NTRK2: variants seen among roughly 807,000 people sequenced by gnomAD.
NTRK2 encodes BDNF/NT-3 growth factors receptor.
Under a neutral mutation model 94.5 loss-of-function variants are expected in NTRK2, and 13 were observed. That is an observed-to-expected ratio of 0.14 (90% confidence interval 0.09 to 0.22). NTRK2 has a LOEUF of 0.22. Among genes scored for constraint, NTRK2 ranks in the 10% least tolerant of loss-of-function variants. NTRK2 has a pLI of 1.00. For synonymous variants in NTRK2, 372 were observed against 407.4 expected (o/e 0.91, Z 1.05); for missense variants, 639 against 1,071.2 (o/e 0.60, Z 5.63).
chr9:84,770,459 C>G (rs1324977500), intron 12 of NTRK2, among the ~76,000 whole-genome samples: 1 of 152,164 alleles, frequency 6.6e-6, no homozygotes, highest in African/African-American at 2.4e-5. Context: ...CCTCCCTGTT[C>G]CCCTCTCCTG....
chr9:84,906,016 A>C (rs2077065479), intron 14 of NTRK2, among the ~76,000 whole-genome samples: 1 of 152,226 alleles, frequency 6.6e-6, no homozygotes, highest in African/African-American at 2.4e-5. Flanking sequence ...TTCGATTTCC[A>C]ATACTTTGCA....
chr9:84,897,854 GA>G (rs1317029205), intron 14 of NTRK2, among the ~76,000 whole-genome samples: 1 of 152,104 alleles, frequency 6.6e-6, no homozygotes, highest in Non-Finnish European at 1.5e-5. Context: ...AATATCAACT[GA>G]AAAGGCCTGT....
Position 85,021,509 on chromosome 9 carries a change from T to C in NTRK2, c.*72T>C. ...GCTGAGAGGATGAACATCTTTTAACTGCCGCTGGAGGCCACCAAGCTGCTC... is the reference window on the plus strand; with the variant it reads ...GCTGAGAGGATGAACATCTTTTAACCGCCGCTGGAGGCCACCAAGCTGCTC... On this transcript the variant is annotated 3_prime_UTR_variant, in exon 19 of 19. Transcript: ENST00000277120. 6.6e-7 allele frequency: 1 copy of C among 1,503,790 alleles called. No homozygotes were observed. The highest frequency in any genetic ancestry group is 9.3e-7 in the Non-Finnish European group (1 of 1,081,008). 93.2% of individuals were successfully genotyped at this position (1,503,790 alleles called of 1,614,324 possible). A position where few individuals can be genotyped will look rare whatever the true frequency, so the allele number is the denominator to read the frequency against.
intron 8 of NTRK2, among the ~76,000 whole-genome samples, chr9:84,726,465 T>G (rs1053804157): frequency 6.6e-6 from 1 of 152,152 alleles, no homozygotes; most frequent in African/African-American, 2.4e-5. Context: ...CCAGCCTGGG[T>G]GGCAGAGTGA....
chr9:84,843,564 A>G (rs1457696678), intron 12 of NTRK2, among the ~76,000 whole-genome samples: 1 of 152,122 alleles, frequency 6.6e-6, no homozygotes. Flanking sequence ...TTTTGAGGGC[A>G]GTGTTAGAAC....
intron 12 of NTRK2, among the ~76,000 whole-genome samples, chr9:84,791,253 C>T (rs1443440): frequency 0.75 from 114,279 of 152,108 alleles, 43,079 homozygotes; most frequent in East Asian, 0.84. Flanking sequence ...CCTCTCATTA[C>T]TTGAGGACTT....
chr9:85,016,676 G>T (rs368674475), intron 17 of NTRK2, among the ~76,000 whole-genome samples: 2 of 152,210 alleles, frequency 1.3e-5, no homozygotes, highest in South Asian at 4.2e-4. Context: ...TGGGGGGAGG[G>T]TCTACTTTTG....
At chr9:84,999,027 C>T (rs549524881) in intron 17 of NTRK2, among the ~76,000 whole-genome samples, 24 of 152,172 alleles carry the variant, frequency 1.6e-4, no homozygotes, top group Non-Finnish European at 3.1e-4. Context: ...GTTCTTGGTG[C>T]ATCTTCTGCA....
intron 14 of NTRK2, among the ~76,000 whole-genome samples, chr9:84,879,413 T>A (rs2076189460): frequency 6.6e-6 from 1 of 152,246 alleles, no homozygotes; most frequent in African/African-American, 2.4e-5. Context: ...TTTAAAATAT[T>A]CCATTTTCAC....
chr9:84,962,243 C>T (rs1305572316), intron 17 of NTRK2, among the ~76,000 whole-genome samples: 3 of 152,228 alleles, frequency 2.0e-5, no homozygotes, highest in Non-Finnish European at 1.5e-5. Context: ...CAGGGTCTCT[C>T]ACCCATCAGC....
At chr9:84,888,070 A>AT (rs935844743) in intron 14 of NTRK2, among the ~76,000 whole-genome samples, 5 of 152,002 alleles carry the variant, frequency 3.3e-5, no homozygotes, top group Non-Finnish European at 5.9e-5. Context: ...CCAGCCTCGT[A>AT]TTTTTTTTCC....
chr9:84,956,257 T>C (rs2132990183), intron 17 of NTRK2, among the ~76,000 whole-genome samples: 1 of 152,326 alleles, frequency 6.6e-6, no homozygotes, highest in Non-Finnish European at 1.5e-5. Flanking sequence ...AGTTTTATCC[T>C]GCCTGTTCCT....
intron 15 of NTRK2, among the ~76,000 whole-genome samples, chr9:84,945,454 C>T (rs757027251): frequency 1.3e-5 from 2 of 152,078 alleles, no homozygotes; most frequent in Non-Finnish European, 2.9e-5. Context: ...GCTCCATGGG[C>T]CCAGGAGAAG....
intron 17 of NTRK2, among the ~76,000 whole-genome samples, chr9:85,017,494 C>G (rs1056530671): frequency 6.6e-6 from 1 of 152,146 alleles, no homozygotes; most frequent in Non-Finnish European, 1.5e-5. Flanking sequence ...GATTAACACA[C>G]CTCAAAGTGT....
At chr9:84,977,852 T>G (rs1438234422) in intron 17 of NTRK2, among the ~76,000 whole-genome samples, 1 of 152,244 alleles carries the variant, frequency 6.6e-6, no homozygotes, top group Non-Finnish European at 1.5e-5. Context: ...CACATTTTGG[T>G]AACTCATGCA....
At chr9:84,952,207 G>A (rs954527423) in intron 16 of NTRK2, among the ~76,000 whole-genome samples, 4 of 152,212 alleles carry the variant, frequency 2.6e-5, no homozygotes, top group Non-Finnish European at 5.9e-5. Context: ...ACAGAGCTGA[G>A]ATTCAAACCT....
At chr9:84,775,554 T>C (rs917895524) in intron 12 of NTRK2, among the ~76,000 whole-genome samples, 1 of 152,212 alleles carries the variant, frequency 6.6e-6, no homozygotes, top group Non-Finnish European at 1.5e-5. Context: ...TTGCTCTTGG[T>C]TCTTTGAATA....
At chr9:84,921,830 A>C (rs1448803837) in intron 14 of NTRK2, among the ~76,000 whole-genome samples, 5 of 152,326 alleles carry the variant, frequency 3.3e-5, no homozygotes, top group Admixed American at 3.3e-4. Context: ...TATTCATTAG[A>C]GTTATGGACA....
chr9:84,933,912 A>G (rs906368101), intron 14 of NTRK2, among the ~76,000 whole-genome samples: 1 of 152,236 alleles, frequency 6.6e-6, no homozygotes, highest in African/African-American at 2.4e-5. Context: ...GATATTTTGC[A>G]GTCAGCAACT....
Sources: gnomAD v4.1 joint callset for allele counts (sites outside exome capture counted in the v4.1 genomes callset) on GRCh38, gnomAD v4.1.1 for gene constraint, MANE v1.5 for transcripts, NCBI Gene and HGNC (gene_info 2026-07-23, HGNC 2026-07-21) for gene names.